ATP2A3: variants seen among roughly 807,000 people sequenced by gnomAD.
The protein encoded by ATP2A3 is sarcoplasmic/endoplasmic reticulum calcium ATPase 3.
Under a neutral mutation model 106.8 loss-of-function variants are expected in ATP2A3, and 61 were observed. The observed-to-expected ratio is 0.57, with a 90% CI of 0.46 to 0.71. The LOEUF is 0.71. ATP2A3 is among the 30% of genes least tolerant of loss of function. The probability of loss-of-function intolerance (pLI) is 0.00; values close to 1 mark genes in which losing one functional copy is unlikely to be tolerated. For synonymous variants in ATP2A3, 611 were observed against 609.3 expected (o/e 1.00, Z -0.04); for missense variants, 1,201 against 1,423.5 (o/e 0.84, Z 2.52).
chr17:3,950,311 G>A (rs560457313), intron 7 of ATP2A3, among the ~76,000 whole-genome samples, 200 bp downstream of exon 7: 237 of 150,948 alleles, frequency 1.6e-3, no homozygotes, highest in Non-Finnish European at 1.8e-3. Context: ...ACAGGCACAC[G>A]CCACCACCCC....
At chr17:3,960,354 A>T (rs2055068213) in intron 1 of ATP2A3, among the ~76,000 whole-genome samples, 1 of 152,198 alleles carries the variant, frequency 6.6e-6, no homozygotes, top group African/African-American at 2.4e-5. Context: ...CAGGAGTCTA[A>T]ATCTGGACCA....
chr17:3,946,387 A>G (rs927342661), intron 8 of ATP2A3, among the ~76,000 whole-genome samples: 2 of 152,042 alleles, frequency 1.3e-5, no homozygotes, highest in Admixed American at 1.3e-4. Context: ...CCCCGTCTCT[A>G]CTAAAATACA....
intron 20 of ATP2A3, chr17:3,927,775 C>T: frequency 1.0e-6 from 1 of 985,218 alleles, no homozygotes; most frequent in Non-Finnish European, 1.2e-6. Context: ...CTCCCTTGCT[C>T]AGCCCCTAGG....
chr17:3,933,122 A>T (rs2053209428), intron 17 of ATP2A3, among the ~76,000 whole-genome samples: 1 of 151,350 alleles, frequency 6.6e-6, no homozygotes, highest in East Asian at 1.9e-4. Flanking sequence ...TCTCTACAAA[A>T]ATACAAAAAT....
rs59380955 is a variant in ATP2A3 at position 3,930,104 on chromosome 17, A to G, written c.2744+197T>C. Among the ~76,000 whole-genome samples, 4,716 of 124,576 alleles carry G rather than the reference A, an allele frequency of 0.038. 666 individuals are homozygous for G. Among genetic ancestry groups the G allele is most frequent in the African/African-American group, 0.16 (4,429 of 27,964 alleles). The allele number at this position is 124,576 out of a possible 152,430, so 81.7% of individuals were successfully genotyped here. ...CCCCAATCTTGGACCCTCTTGACCC[A>G]CAGACCCCAATCCTGGACCCCTGAC... On this transcript the variant is annotated intron_variant, in intron 18 of 20. Transcript: ENST00000397041. This position sits in a 1 kb window ranked among gnomAD's most constrained non-coding sequence, Gnocchi z 5.4.
At chr17:3,945,867 C>A (rs73971762) in intron 8 of ATP2A3, among the ~76,000 whole-genome samples, 3,265 of 152,340 alleles carry the variant, frequency 0.021, 120 homozygotes, top group African/African-American at 0.074. Flanking sequence ...CGCTCTCCTC[C>A]CTACTCCTGG....
Position 3,930,700 on chromosome 17 carries a change from C to G in ATP2A3, c.2611-266G>C, listed in dbSNP as rs1338119888. The G allele has an allele frequency of 3.6e-6, 2 of 561,854 alleles. No homozygotes were observed. The highest frequency in any genetic ancestry group is 5.8e-5 in the Admixed American group (2 of 34,330). 34.8% of individuals were successfully genotyped at this position (561,854 alleles called of 1,614,324 possible). A position where few individuals can be genotyped will look rare whatever the true frequency, so the allele number is the denominator to read the frequency against. Reference sequence around the variant, plus strand: ...GGAGTGCAGCGGCTCAGAAGGAGAACAGCTGGCATTAGCCTGGGGAGGCTA... The same window carrying G: ...GGAGTGCAGCGGCTCAGAAGGAGAAGAGCTGGCATTAGCCTGGGGAGGCTA... On this transcript the variant is annotated intron_variant, in intron 17 of 20. Transcript: ENST00000397041. The surrounding 1 kb of genome is among the most constrained non-coding windows in gnomAD (Gnocchi z 5.4).
At chr17:3,957,904 C>A (rs1375598553) in intron 1 of ATP2A3, among the ~76,000 whole-genome samples, 1 of 152,224 alleles carries the variant, frequency 6.6e-6, no homozygotes, top group Non-Finnish European at 1.5e-5. Context: ...TCTCTGAGAG[C>A]CACAGTGGGG....
intron 8 of ATP2A3, among the ~76,000 whole-genome samples, chr17:3,946,141 G>A (rs1211663751): frequency 6.6e-6 from 1 of 151,302 alleles, no homozygotes; most frequent in African/African-American, 2.4e-5. Flanking sequence ...CTAGCTACTC[G>A]GGTGGCTGAA....
At chr17:3,937,315 C>G (rs2053504894) in intron 15 of ATP2A3, 101 bp downstream of exon 15, 1 of 1,349,178 alleles carries the variant, frequency 7.4e-7, no homozygotes, top group Non-Finnish European at 1.0e-6. Flanking sequence ...AGGGCACAGG[C>G]CCCTCCATCC....
At position 3,936,446 on chromosome 17, in the gene ATP2A3, C is replaced by T. The variant is rs1438912822; in HGVS notation, c.2345G>A (p.Gly782Asp). 6.2e-7 allele frequency: 1 copy of T among 1,614,036 alleles called. No individual in the cohort carries two copies. Among genetic ancestry groups the T allele is most frequent in the Non-Finnish European group, 8.5e-7 (1 of 1,180,022 alleles). Residue 782 changes from glycine (G) to aspartate (D), a missense_variant, in exon 16 of 21, where the codon GGC becomes GAC. Around this residue, in one of 2 missense-constraint regions of ATP2A3, gnomAD observed 935 missense variants for 1,176.7 expected, o/e 0.79. Coordinates refer to ENST00000397041, the MANE Select transcript of ATP2A3 (RefSeq NM_005173.4). This position sits in a 1 kb window ranked among gnomAD's most constrained non-coding sequence, Gnocchi z 5.4. ...CACAGGGATCAGGGCTTCGGGCAGGCCCAGAATTGCCGTGAGGAAGATGCT... is the reference window on the plus strand; with the variant it reads ...CACAGGGATCAGGGCTTCGGGCAGGTCCAGAATTGCCGTGAGGAAGATGCT... ...VVCIFLTAIL[G>D]LPEALIPVQL...
Position 3,951,294 on chromosome 17 carries a change from G to T in ATP2A3, c.420C>A (p.Ile140=). Residue 140 remains isoleucine (I), a synonymous_variant, in exon 5 of 21, where the codon ATC becomes ATA. Coordinates refer to ENST00000397041, the MANE Select transcript of ATP2A3 (RefSeq NM_005173.4). The stretch of plus-strand genomic sequence containing the variant: ...CCCCTGGGACGATGTCCCGGGCACG[G>T]ATCCTCTGCACGCCCTTGCGGTCCG... ...IRSDRKGVQR[I]RARDIVPGDI... 6.2e-7 allele frequency: 1 copy of T among 1,613,860 alleles called. No individual in the cohort carries two copies. The highest frequency in any genetic ancestry group is 8.5e-7 in the Non-Finnish European group (1 of 1,179,998).
intron 1 of ATP2A3, among the ~76,000 whole-genome samples, chr17:3,956,023 C>T (rs554120397): frequency 2.0e-5 from 3 of 151,982 alleles, no homozygotes; most frequent in Non-Finnish European, 4.4e-5. Context: ...CTGGAATTAC[C>T]GGTGCCTGCC....
rs139395876 is a variant in ATP2A3 at position 3,941,136 on chromosome 17, C to T, written c.1935G>A (p.Thr645=). 71 of 1,614,142 alleles carry T rather than the reference C, an allele frequency of 4.4e-5. 1 individual carries two copies. The African/African-American group carries it at 4.7e-4, about 11-fold the overall frequency. ...TGTAGGCCTTGCCCGCCACGTCTTC[C>T]GTGTCCCCAAAGATGCCAAGCCTGC... The part of the protein sequence containing the change: ...ICRRLGIFGD[T]EDVAGKAYTG... Residue 645 remains threonine (T), a synonymous_variant, in exon 14 of 21, where the codon ACG becomes ACA. Transcript: ENST00000397041.
intron 20 of ATP2A3, chr17:3,927,786 G>A (rs2052793045): frequency 1.0e-6 from 1 of 985,298 alleles, no homozygotes; most frequent in Non-Finnish European, 1.2e-6. Context: ...AGCCCCTAGG[G>A]AATGACAGAC....
chr17:3,963,643 G>A (rs899560121), intron 1 of ATP2A3, among the ~76,000 whole-genome samples: 1 of 152,206 alleles, frequency 6.6e-6, no homozygotes, highest in Non-Finnish European at 1.5e-5. Context: ...CATCCGCTTC[G>A]GGTTGCAGAA....
intron 17 of ATP2A3, among the ~76,000 whole-genome samples, chr17:3,934,614 C>T (rs181231489): frequency 6.6e-6 from 1 of 150,820 alleles, no homozygotes; most frequent in Non-Finnish European, 1.5e-5. Context: ...ACCGCTGCCT[C>T]CCAGGTTCAT....
Position 3,928,641 on chromosome 17 carries a change from C to T in ATP2A3, c.2980+22G>A, listed in dbSNP as rs369435163. ...GGCGGGCGGGGAGGCAGGCTGGAGG[C>T]GGGACGGGGCCTCCCACTCACCGTG... is the stretch of plus-strand genomic sequence containing the variant. On this transcript the variant is annotated intron_variant, in intron 20 of 20. Coordinates refer to ENST00000397041, the MANE Select transcript of ATP2A3 (RefSeq NM_005173.4). The surrounding 1 kb of genome is among the most constrained non-coding windows in gnomAD (Gnocchi z 6.1). 1.5e-3 allele frequency: 2,303 copies of T among 1,537,386 alleles called. 31 individuals carry two copies. In the African/African-American group the frequency reaches 0.027, roughly 18 times the overall value.
Position 3,936,665 on chromosome 17 carries a change from C to G in ATP2A3, c.2322-196G>C. On this transcript the variant is annotated intron_variant, in intron 15 of 20. Coordinates refer to ENST00000397041, the MANE Select transcript of ATP2A3 (RefSeq NM_005173.4). The surrounding 1 kb of genome is among the most constrained non-coding windows in gnomAD (Gnocchi z 5.4). ...CGGGCCTGGCCAGTCCTGCCTTCCCCAGTCCCAGCTCTGGATCCTGGACAT... is the reference window on the plus strand; with the variant it reads ...CGGGCCTGGCCAGTCCTGCCTTCCCGAGTCCCAGCTCTGGATCCTGGACAT... The G allele has an allele frequency of 1.6e-6, 1 of 641,240 alleles. No individual in the cohort carries two copies. The highest frequency in any genetic ancestry group is 2.8e-6 in the Non-Finnish European group (1 of 356,388). The allele number at this position is 641,240 out of a possible 1,614,324, so 39.7% of individuals were successfully genotyped here.
Sources: allele counts gnomAD v4.1 joint callset (sites outside exome capture counted in the v4.1 genomes callset), GRCh38; gene constraint gnomAD v4.1.1; regional missense constraint gnomAD v4.1.1; non-coding constraint Gnocchi (gnomAD v3.1); transcripts MANE v1.5; gene names NCBI Gene and HGNC (gene_info 2026-07-23, HGNC 2026-07-21).